The following MYO3B variants were observed in gnomAD, a reference collection of about 807,000 sequenced individuals.
The protein encoded by MYO3B is myosin-IIIb.
In MYO3B, 156 loss-of-function variants were observed where a neutral mutation model predicts 174.6. The ratio of observed to expected loss-of-function variants is 0.89; its 90% CI spans 0.78 to 1.02. The LOEUF (loss-of-function observed/expected upper bound fraction) is 1.02. Ranked by LOEUF, MYO3B falls within the 50% of genes least tolerant of loss-of-function variation. The pLI is 0.00. For synonymous variants in MYO3B, 563 were observed against 569.1 expected, an observed-to-expected ratio of 0.99 and a Z score of 0.15; for missense variants, 1,632 against 1,639.4, an observed-to-expected ratio of 1.00 and a Z score of 0.08.
At chr2:170,360,829 A>G (rs2105645083) in intron 8 of MYO3B, among the ~76,000 whole-genome samples, 2 of 152,342 alleles carry the variant, frequency 1.3e-5, no homozygotes, top group South Asian at 4.1e-4. Context: ...CTCTCCTCTG[A>G]AGGAGCCATC....
intron 32 of MYO3B, among the ~76,000 whole-genome samples, chr2:170,620,193 C>CA (rs143691483): frequency 2.2e-3 from 313 of 141,638 alleles, no homozygotes; most frequent in African/African-American, 6.9e-3. Context: ...TTTTCCAAAC[C>CA]AAAAAAAAAA....
intron 8 of MYO3B, among the ~76,000 whole-genome samples, chr2:170,366,556 G>A (rs2094200060): frequency 6.6e-6 from 1 of 152,162 alleles, no homozygotes; most frequent in Admixed American, 6.6e-5. Context: ...GGCTCCCAAA[G>A]TGTTGGGATT....
intron 7 of MYO3B, among the ~76,000 whole-genome samples, chr2:170,329,434 G>A (rs550818190): frequency 6.6e-6 from 1 of 151,826 alleles, no homozygotes; most frequent in Admixed American, 6.6e-5. Flanking sequence ...AGGCTGGAGT[G>A]GAGTGATGCC....
At chr2:170,397,393 C>T (rs2094447612) in intron 16 of MYO3B, among the ~76,000 whole-genome samples, 2 of 152,030 alleles carry the variant, frequency 1.3e-5, no homozygotes, top group African/African-American at 2.4e-5. Flanking sequence ...TGTAGAGTAC[C>T]AAATCAAGTT....
At chr2:170,574,661 T>C (rs571168816) in intron 32 of MYO3B, among the ~76,000 whole-genome samples, 5 of 152,092 alleles carry the variant, frequency 3.3e-5, no homozygotes, top group African/African-American at 9.6e-5. Context: ...TGGTGAGTTG[T>C]TTTTCCCCCC....
At chr2:170,437,780 A>T (rs892608878) in intron 22 of MYO3B, among the ~76,000 whole-genome samples, 5 of 152,116 alleles carry the variant, frequency 3.3e-5, no homozygotes, top group African/African-American at 7.2e-5. Context: ...CTTACTGCCC[A>T]GTCTACTAAT....
chr2:170,637,703 C>A (rs918811026), intron 32 of MYO3B, among the ~76,000 whole-genome samples: 15 of 152,168 alleles, frequency 9.9e-5, no homozygotes, highest in Non-Finnish European at 2.1e-4. Context: ...CCCTGAAGAA[C>A]TGAAATTTAA....
At position 170,463,424 on chromosome 2, in the gene MYO3B, A is replaced by C. The variant is rs1366441917; in HGVS notation, c.2787A>C (p.Gln929His). 1 of 1,614,148 alleles carries C rather than the reference A, an allele frequency of 6.2e-7. No homozygotes were observed. The highest frequency in any genetic ancestry group is 8.5e-7 in the Non-Finnish European group (1 of 1,180,028). Residue 929 changes from glutamine to histidine, a missense_variant, in exon 24 of 35, where the codon CAA becomes CAC. Transcript: ENST00000408978. ...HPEETTNMKR[Q>H]TVASYFRYSL... is the part of the protein sequence containing the mutation. ...AAGAAACCACCAACATGAAGAGGCA[A>C]ACTGTGGCTTCTTACTTCCGGGTAT...
chr2:170,214,534 A>G lies in MYO3B; in HGVS notation c.426+51A>G, dbSNP rs371118431. The G allele has an allele frequency of 7.4e-4, 1,146 of 1,553,290 alleles. 22 individuals are homozygous for G. The South Asian group carries it at 0.012, about 16-fold the overall frequency. ...TGACAGCAGATGGGATGGTTTGTTC[A>G]TTGCTTGGGTCCTTATTGCATATTA... On this transcript the variant is annotated intron_variant, in intron 4 of 34. Coordinates refer to ENST00000408978, the MANE Select transcript of MYO3B (RefSeq NM_138995.5).
chr2:170,327,188 C>T (rs1269567634), intron 7 of MYO3B, among the ~76,000 whole-genome samples: 2 of 152,150 alleles, frequency 1.3e-5, no homozygotes, highest in Non-Finnish European at 2.9e-5. Flanking sequence ...AGATCGAGAC[C>T]ATCCTGGCCC....
chr2:170,591,751 G>A (rs923372448), intron 32 of MYO3B, among the ~76,000 whole-genome samples: 1 of 152,160 alleles, frequency 6.6e-6, no homozygotes, highest in African/African-American at 2.4e-5. Flanking sequence ...TACCTTTCCT[G>A]GTTAACTTTC....
chr2:170,398,402 G>A (rs1273094162), intron 16 of MYO3B, among the ~76,000 whole-genome samples: 1 of 151,978 alleles, frequency 6.6e-6, no homozygotes, highest in Non-Finnish European at 1.5e-5. Context: ...ATCATTTAGG[G>A]GTTTTTACGG....
intron 3 of MYO3B, among the ~76,000 whole-genome samples, chr2:170,211,751 A>G (rs909549579): frequency 2.0e-5 from 3 of 152,178 alleles, no homozygotes; most frequent in African/African-American, 7.2e-5. Context: ...GTTACAGGTC[A>G]CAATCCCAAG....
At chr2:170,418,262 C>T (rs1034876125) in intron 22 of MYO3B, among the ~76,000 whole-genome samples, 2 of 152,232 alleles carry the variant, frequency 1.3e-5, no homozygotes, top group African/African-American at 4.8e-5. Context: ...CCATGCTCTC[C>T]ATACTCCCCT....
intron 30 of MYO3B, chr2:170,524,641 A>C: frequency 3.1e-6 from 1 of 321,868 alleles, no homozygotes. Flanking sequence ...GTGCCATAAC[A>C]CCTGGCTAAT....
At chr2:170,199,892 G>T (rs998366466) in intron 2 of MYO3B, among the ~76,000 whole-genome samples, 6 of 152,020 alleles carry the variant, frequency 3.9e-5, no homozygotes, top group African/African-American at 1.2e-4. Context: ...TATTATTAAA[G>T]AAAAAATATC....
In MYO3B at chr2:170,465,003, A is replaced by C. The variant is rs1023116147; in HGVS notation, c.2809-1503A>C. Among the ~76,000 whole-genome samples the C allele has an allele frequency of 2.0e-5, 3 of 150,028 alleles. No individual in the cohort carries two copies. The Admixed American group carries it at 2.0e-4, about 10-fold the overall frequency. Reference sequence around the variant, plus strand: ...TGCGTCAGCCTCCCACGTAGCTGGGACTACAGGTACGTGCCACCATGCCTG... The same window carrying C: ...TGCGTCAGCCTCCCACGTAGCTGGGCCTACAGGTACGTGCCACCATGCCTG... On this transcript the variant is annotated intron_variant, in intron 24 of 34. Coordinates refer to ENST00000408978, the MANE Select transcript of MYO3B (RefSeq NM_138995.5).
At chr2:170,512,368 G>T (rs947124555) in intron 28 of MYO3B, among the ~76,000 whole-genome samples, 8 of 152,196 alleles carry the variant, frequency 5.3e-5, no homozygotes, top group African/African-American at 1.9e-4. Flanking sequence ...CTGATGACCA[G>T]CTGTCAGTCC....
intron 6 of MYO3B, among the ~76,000 whole-genome samples, chr2:170,234,977 G>T (rs1041176941): frequency 6.6e-6 from 1 of 152,144 alleles, no homozygotes; most frequent in African/African-American, 2.4e-5. Flanking sequence ...ACATAAGCTA[G>T]ATCTGTCACT....
Sources: allele counts gnomAD v4.1 joint callset (sites outside exome capture counted in the v4.1 genomes callset), GRCh38; gene constraint gnomAD v4.1.1; transcripts MANE v1.5; gene names NCBI Gene and HGNC (gene_info 2026-07-23, HGNC 2026-07-21).